ANKS1A: variants seen among roughly 807,000 people sequenced by gnomAD.
ANKS1A encodes the protein ankyrin repeat and sterile alpha motif domain containing 1A, also known as ankyrin repeat and SAM domain-containing protein 1A.
ANKS1A carries 55 observed loss-of-function variants against 120.3 expected under a neutral mutation model. The observed-to-expected ratio is 0.46, with a 90% CI of 0.37 to 0.57. The LOEUF is 0.57. Ranked by LOEUF, ANKS1A falls within the 20% of genes least tolerant of loss-of-function variation. The pLI, the probability that ANKS1A is intolerant of heterozygous loss-of-function variation, is 0.00. For synonymous variants in ANKS1A, 590 were observed against 604.7 expected, an observed-to-expected ratio of 0.98 and a Z score of 0.36; for missense variants, 1,123 against 1,480.3, an observed-to-expected ratio of 0.76 and a Z score of 3.96.
intron 1 of ANKS1A, among the ~76,000 whole-genome samples, chr6:34,920,824 C>T (rs1768397349): frequency 2.0e-5 from 3 of 152,332 alleles, no homozygotes; most frequent in Admixed American, 1.3e-4. Flanking sequence ...TATTTTCACT[C>T]ACCGCCTTGC....
intron 11 of ANKS1A, among the ~76,000 whole-genome samples, chr6:35,047,691 G>T (rs924855764): frequency 6.6e-6 from 1 of 152,210 alleles, no homozygotes; most frequent in African/African-American, 2.4e-5. Flanking sequence ...GTGGCAAGCA[G>T]TAATAAAGTT....
intron 1 of ANKS1A, among the ~76,000 whole-genome samples, chr6:34,902,257 T>G (rs958739303): frequency 2.6e-5 from 4 of 152,248 alleles, no homozygotes; most frequent in Admixed American, 1.3e-4. Flanking sequence ...TTTCTTTTTT[T>G]TTTCTTTTTG....
rs1407454784 is a variant in ANKS1A, at chr6:35,090,638, T to G, written c.*2029T>G. 3 of 992,296 alleles carry G rather than the reference T, an allele frequency of 3.0e-6. No individual in the cohort carries two copies. Among genetic ancestry groups the G allele is most frequent in the East Asian group, 2.2e-4 (2 of 9,056 alleles). The allele number at this position is 992,296 out of a possible 1,614,324, so 61.5% of individuals were successfully genotyped here. ...AGGAAAATGACTGGGCCTTTCTTTC[T>G]TTTCTTCTCCTCTGGGATGGGTAGT... is the stretch of plus-strand genomic sequence containing the variant. On this transcript the variant is annotated 3_prime_UTR_variant, in exon 24 of 24. Coordinates refer to ENST00000360359, the MANE Select transcript of ANKS1A (RefSeq NM_015245.3).
chr6:34,988,393 C>G (rs1422837677), intron 8 of ANKS1A, among the ~76,000 whole-genome samples: 4 of 152,270 alleles, frequency 2.6e-5, no homozygotes, highest in South Asian at 2.1e-4. Context: ...TCAGGAGATC[C>G]AGACCATCCT....
chr6:35,045,229 G>C (rs1465914511), intron 11 of ANKS1A, among the ~76,000 whole-genome samples: 5 of 152,308 alleles, frequency 3.3e-5, no homozygotes, highest in Middle Eastern at 3.4e-3. Context: ...CTCCTCATTA[G>C]AGCCCTGCCT....
chr6:34,967,410 G>A, intron 2 of ANKS1A, 91 bp downstream of exon 2: 1 of 1,281,158 alleles, frequency 7.8e-7, no homozygotes. Context: ...TTTGCTGGCT[G>A]AGCTTAGTGG....
At chr6:34,991,502 A>G in intron 9 of ANKS1A, among the ~76,000 whole-genome samples, 1 of 150,060 alleles carries the variant, frequency 6.7e-6, no homozygotes, top group African/African-American at 2.5e-5. Context: ...TCTGCAGCAG[A>G]AATGTTGCTT....
At chr6:35,059,280 A>AT (rs1464734059) in intron 12 of ANKS1A, among the ~76,000 whole-genome samples, 1 of 152,206 alleles carries the variant, frequency 6.6e-6, no homozygotes, top group Non-Finnish European at 1.5e-5. Flanking sequence ...CTAGCTGTGG[A>AT]TCGGGCTCCT....
chr6:34,966,232 AG>A (rs375959030), intron 1 of ANKS1A, among the ~76,000 whole-genome samples: 279 of 152,340 alleles, frequency 1.8e-3, no homozygotes, highest in African/African-American at 6.3e-3. Flanking sequence ...TTTACCAATA[AG>A]GTCATAATGG....
intron 1 of ANKS1A, among the ~76,000 whole-genome samples, chr6:34,894,798 A>G (rs1275509084): frequency 6.6e-6 from 1 of 152,234 alleles, no homozygotes; most frequent in East Asian, 1.9e-4. Flanking sequence ...AGCACAGAGA[A>G]ACTAAACCGA....
intron 7 of ANKS1A, among the ~76,000 whole-genome samples, chr6:34,983,817 A>T (rs1490242522): frequency 8.8e-5 from 12 of 136,888 alleles, no homozygotes; most frequent in African/African-American, 3.1e-4. Context: ...TTTGAGATGG[A>T]GTCTCACTCT....
intron 7 of ANKS1A, 114 bp downstream of exon 7, chr6:34,983,539 A>G (rs1477885035): frequency 5.6e-6 from 5 of 900,140 alleles, no homozygotes; most frequent in Non-Finnish European, 8.6e-6. Flanking sequence ...GATTGTGAGT[A>G]CTTAGTTTAT....
At chr6:35,056,165 C>T (rs1017190125) in intron 12 of ANKS1A, among the ~76,000 whole-genome samples, 6 of 152,314 alleles carry the variant, frequency 3.9e-5, no homozygotes, top group South Asian at 2.1e-4. Context: ...TTTGATAAGT[C>T]GGGAGATGTG....
At chr6:34,991,811 CAT>C (rs1321913365) in intron 9 of ANKS1A, among the ~76,000 whole-genome samples, 4 of 139,158 alleles carry the variant, frequency 2.9e-5, no homozygotes, top group Non-Finnish European at 6.1e-5. Flanking sequence ...TATACACACA[CAT>C]ATATATATGG....
chr6:34,982,860 C>T lies in ANKS1A; in HGVS notation c.808+33C>T, dbSNP rs768959634. Reference sequence around the variant, plus strand: ...GTCGGCAGCGCTCTTGTCTACACAGCGTGCCAGGGTTGGGATTGTTTCTCC... The same window carrying T: ...GTCGGCAGCGCTCTTGTCTACACAGTGTGCCAGGGTTGGGATTGTTTCTCC... On this transcript the variant is annotated intron_variant, in intron 5 of 23. Coordinates refer to ENST00000360359, the MANE Select transcript of ANKS1A (RefSeq NM_015245.3). The surrounding 1 kb of genome is among the most constrained non-coding windows in gnomAD (Gnocchi z 4.9). 21 of 1,613,518 alleles carry T rather than the reference C, an allele frequency of 1.3e-5. No homozygotes were observed. Among genetic ancestry groups the T allele is most frequent in the East Asian group, 2.2e-5 (1 of 44,898 alleles).
chr6:35,041,099 A>G (rs555534273), intron 11 of ANKS1A, among the ~76,000 whole-genome samples: 1 of 152,368 alleles, frequency 6.6e-6, no homozygotes, highest in South Asian at 2.1e-4. Context: ...TTATAAAGTT[A>G]TGAGAAATAC....
At position 35,090,262 on chromosome 6, in the gene ANKS1A, A is replaced by G. The variant is rs1778228208; in HGVS notation, c.*1653A>G. ...GGATGCCCATGAGCTACCGCTGTAC[A>G]GTTCTCGGCCCCGGCTTTCTTCCAA... is the stretch of plus-strand genomic sequence containing the variant. On this transcript the variant is annotated 3_prime_UTR_variant, in exon 24 of 24. Coordinates refer to ENST00000360359, the MANE Select transcript of ANKS1A (RefSeq NM_015245.3). The G allele has an allele frequency of 5.4e-6, 7 of 1,289,658 alleles. No homozygotes were observed. The highest frequency in any genetic ancestry group is 6.1e-6 in the Non-Finnish European group (6 of 988,860). The allele number at this position is 1,289,658 out of a possible 1,614,324, so 79.9% of individuals were successfully genotyped here. A position where few individuals can be genotyped will look rare whatever the true frequency, so the allele number is the denominator to read the frequency against.
intron 12 of ANKS1A, among the ~76,000 whole-genome samples, chr6:35,059,120 C>CAGG (rs1363517363): frequency 9.2e-5 from 14 of 152,242 alleles, no homozygotes. Context: ...TGCCTGCTTT[C>CAGG]TACCTGAGCA....
rs1260425457 is a variant in ANKS1A, at chr6:35,035,629, G to A, written c.2010+17570G>A. Reference sequence around the variant, plus strand: ...CACATGGGTCTTAGGGTAGATGTTTGTTTTGAGTTCTACCTCAAGGCTGGC... The same window carrying A: ...CACATGGGTCTTAGGGTAGATGTTTATTTTGAGTTCTACCTCAAGGCTGGC... On this transcript the variant is annotated intron_variant, in intron 11 of 23. Coordinates refer to ENST00000360359, the MANE Select transcript of ANKS1A (RefSeq NM_015245.3). 2.0e-5 allele frequency among the ~76,000 whole-genome samples: 3 copies of A among 152,132 alleles called. No homozygotes were observed. The East Asian group carries it at 5.8e-4, about 29-fold the overall frequency.
Sources: allele counts gnomAD v4.1 joint callset (sites outside exome capture counted in the v4.1 genomes callset), GRCh38; gene constraint gnomAD v4.1.1; non-coding constraint Gnocchi (gnomAD v3.1); transcripts MANE v1.5; gene names NCBI Gene and HGNC (gene_info 2026-07-23, HGNC 2026-07-21).